The following SYTL3 variants were observed in gnomAD, a reference collection of about 807,000 sequenced individuals.
The protein encoded by SYTL3 is synaptotagmin-like protein 3.
Under a neutral mutation model 82.1 loss-of-function variants are expected in SYTL3, and 88 were observed. The observed-to-expected ratio is 1.07, with a 90% CI of 0.90 to 1.28. SYTL3 has a LOEUF of 1.28. Ranked by LOEUF, SYTL3 falls within the 50% of genes most tolerant of loss-of-function variation. The pLI is 0.00. For missense variants in SYTL3, 831 were observed against 757.6 expected, an observed-to-expected ratio of 1.10 and a Z score of -1.14; for synonymous variants, 311 against 289.4, an observed-to-expected ratio of 1.07 and a Z score of -0.76.
Position 158,757,280 on chromosome 6 carries a change from G to T in SYTL3, c.1207G>T (p.Ala403Ser), listed in dbSNP as rs1320283350. ...QVSVWHLGTLARRVFLGEVII... is the reference protein window; with the variant it reads ...QVSVWHLGTLSRRVFLGEVII... The stretch of plus-strand genomic sequence containing the variant: ...CTCGGTGTGGCATCTGGGCACGCTG[G>T]CCCGGAGAGTGTTTCTTGGAGAAGT... Residue 403 changes from alanine to serine, a missense_variant, in exon 14 of 18, where the codon GCC becomes TCC. Ala to Ser is a moderately conservative substitution (Grantham distance 99). Transcript: ENST00000611299. The T allele has an allele frequency of 6.2e-7, 1 of 1,613,500 alleles. No homozygotes were observed. Among genetic ancestry groups the T allele is most frequent in the Non-Finnish European group, 8.5e-7 (1 of 1,179,980 alleles).
chr6:158,730,613 G>T (rs140703639), intron 11 of SYTL3, among the ~76,000 whole-genome samples: 152 of 152,284 alleles, frequency 1.0e-3, no homozygotes, highest in Non-Finnish European at 1.7e-3. Context: ...AATAAACCTG[G>T]ACTCTCAGCA....
In SYTL3 at chr6:158,718,171, G is replaced by A; in HGVS notation, c.680G>A (p.Arg227Lys). The A allele has an allele frequency of 6.5e-7, 1 of 1,545,374 alleles. No homozygotes were observed. The highest frequency in any genetic ancestry group is 8.7e-7 in the Non-Finnish European group (1 of 1,144,426). Residue 227 changes from arginine (R) to lysine (K), a missense_variant, in exon 10 of 18, where the codon AGA becomes AAA. By Grantham distance (26) the Arg-to-Lys change is conservative. Coordinates refer to ENST00000611299, the MANE Select transcript of SYTL3 (RefSeq NM_001242394.2). ...GPRQCVGQTE[R>K]RSQSDTAVNV... ...AGGCAGTGTGTGGGACAGACAGAGA[G>A]ACGGAGCCAGTCTGACACTGCGGTC...
At chr6:158,698,988 C>T (rs957664820) in intron 6 of SYTL3, among the ~76,000 whole-genome samples, 45 of 152,286 alleles carry the variant, frequency 3.0e-4, no homozygotes, top group African/African-American at 8.7e-4. Flanking sequence ...GAGGGAAGGC[C>T]GCCTTTCTCC....
chr6:158,673,474 C>G (rs1401974654), intron 5 of SYTL3, among the ~76,000 whole-genome samples: 1 of 144,796 alleles, frequency 6.9e-6, no homozygotes, highest in East Asian at 2.1e-4. Flanking sequence ...GAGTCTTGCT[C>G]TGTTGCCCAG....
At chr6:158,662,478 TTTC>T (rs1263618858) in intron 3 of SYTL3, among the ~76,000 whole-genome samples, 6 of 152,222 alleles carry the variant, frequency 3.9e-5, no homozygotes, top group African/African-American at 1.4e-4. Flanking sequence ...TTTTCCAGTA[TTTC>T]TTCAATTAGG....
chr6:158,693,520 G>T (rs1780147804), intron 6 of SYTL3, among the ~76,000 whole-genome samples: 2 of 151,922 alleles, frequency 1.3e-5, no homozygotes, highest in African/African-American at 4.9e-5. Context: ...GAGTAGTGGA[G>T]ATTACAGGTG....
chr6:158,697,592 CAAAAT>C (rs1211086182), intron 6 of SYTL3, among the ~76,000 whole-genome samples: 3 of 151,956 alleles, frequency 2.0e-5, no homozygotes, highest in Admixed American at 6.6e-5. Flanking sequence ...ACACTATTAA[CAAAAT>C]AAAAAGGTAA....
Position 158,725,619 on chromosome 6 carries a change from C to G in SYTL3, c.837C>G (p.Phe279Leu). ...LPSSPAPSTI[F>L]SGGFRHGSLI... ...CCAGTCCGGCACCCAGTACCATATTCTCTGGAGGTTTTAGACACGTGAGTC... is the reference window on the plus strand; with the variant it reads ...CCAGTCCGGCACCCAGTACCATATTGTCTGGAGGTTTTAGACACGTGAGTC... Residue 279 changes from phenylalanine to leucine, a missense_variant, in exon 11 of 18, where the codon TTC becomes TTG. Physicochemically the swap from Phe to Leu is conservative, Grantham distance 22. Coordinates refer to ENST00000611299, the MANE Select transcript of SYTL3 (RefSeq NM_001242394.2). The G allele has an allele frequency of 6.2e-7, 1 of 1,614,082 alleles. No homozygotes were observed. Among genetic ancestry groups the G allele is most frequent in the Non-Finnish European group, 8.5e-7 (1 of 1,180,024 alleles).
chr6:158,699,540 G>A (rs906131289), intron 6 of SYTL3, among the ~76,000 whole-genome samples: 13 of 152,150 alleles, frequency 8.5e-5, no homozygotes, highest in African/African-American at 1.7e-4. Flanking sequence ...CACACGCGGC[G>A]GATCTTACTC....
chr6:158,763,850 A>C (rs1790354792), intron 17 of SYTL3, among the ~76,000 whole-genome samples: 1 of 152,254 alleles, frequency 6.6e-6, no homozygotes, highest in Non-Finnish European at 1.5e-5. Flanking sequence ...CAATTCAGAA[A>C]GTACTTCATC....
intron 14 of SYTL3, among the ~76,000 whole-genome samples, chr6:158,757,649 G>A (rs901491474): frequency 2.0e-5 from 3 of 152,192 alleles, no homozygotes; most frequent in African/African-American, 7.2e-5. Context: ...CAGGTCCTGT[G>A]GCTTCCCCTG....
At chr6:158,651,332 C>T (rs979979249) in intron 1 of SYTL3, among the ~76,000 whole-genome samples, 1 of 152,126 alleles carries the variant, frequency 6.6e-6, no homozygotes, top group African/African-American at 2.4e-5. Context: ...ATGGCTCACG[C>T]CTGTCATCTC....
rs117296281 is a variant in SYTL3, at chr6:158,745,010, G to T, written c.856-470G>T. Among the ~76,000 whole-genome samples the T allele has an allele frequency of 9.5e-3, 1,452 of 152,174 alleles. 11 individuals are homozygous for T. Among genetic ancestry groups the T allele is most frequent in the Non-Finnish European group, 0.015 (1,022 of 68,010 alleles). The stretch of plus-strand genomic sequence containing the variant: ...ACCATAGCCCTGTGAGATCAGTATG[G>T]TTTTTTCCAGTTAGACTTTGCCACA... On this transcript the variant is annotated intron_variant, in intron 11 of 17. Coordinates refer to ENST00000611299, the MANE Select transcript of SYTL3 (RefSeq NM_001242394.2).
intron 11 of SYTL3, among the ~76,000 whole-genome samples, chr6:158,738,474 G>A (rs1027699436): frequency 2.0e-5 from 3 of 152,058 alleles, no homozygotes; most frequent in Non-Finnish European, 2.9e-5. Context: ...CAATACTTGG[G>A]ATCCTGCCCT....
At chr6:158,715,273 T>C (rs1783230558) in intron 9 of SYTL3, among the ~76,000 whole-genome samples, 1 of 152,128 alleles carries the variant, frequency 6.6e-6, no homozygotes, top group Non-Finnish European at 1.5e-5. Context: ...ACTGCCACTA[T>C]AGAATCAGTG....
intron 4 of SYTL3, among the ~76,000 whole-genome samples, chr6:158,664,667 A>G (rs1161757468): frequency 2.0e-5 from 3 of 152,244 alleles, no homozygotes; most frequent in Admixed American, 6.5e-5. Flanking sequence ...AGTGACATAG[A>G]CATAGTGATA....
chr6:158,713,353 CA>C (rs1346451887), intron 8 of SYTL3, among the ~76,000 whole-genome samples: 2 of 152,020 alleles, frequency 1.3e-5, no homozygotes, highest in Non-Finnish European at 2.9e-5. Context: ...CTTGCCTGGT[CA>C]CCTTGTGGCT....
At chr6:158,738,974 ATTAG>A (rs1366869518) in intron 11 of SYTL3, among the ~76,000 whole-genome samples, 1 of 152,142 alleles carries the variant, frequency 6.6e-6, no homozygotes, top group Non-Finnish European at 1.5e-5. Flanking sequence ...CTAAGCTTTT[ATTAG>A]TTGTCTGCAC....
At chr6:158,717,742 T>G (rs533331306) in intron 9 of SYTL3, among the ~76,000 whole-genome samples, 11 of 152,288 alleles carry the variant, frequency 7.2e-5, no homozygotes, top group Admixed American at 3.3e-4. Flanking sequence ...GGCTGCCGTC[T>G]TCGTGTTTGG....
Sources: allele counts gnomAD v4.1 joint callset (sites outside exome capture counted in the v4.1 genomes callset), GRCh38; gene constraint gnomAD v4.1.1; transcripts MANE v1.5; gene names NCBI Gene and HGNC (gene_info 2026-07-23, HGNC 2026-07-21).